Variants in STAU2 observed in about 807,000 individuals in gnomAD.
STAU2 encodes the protein double-stranded RNA-binding protein Staufen homolog 2.
A neutral mutation model predicts 65.9 loss-of-function variants in STAU2; 20 were observed. The ratio of observed to expected loss-of-function variants is 0.30; its 90% CI spans 0.21 to 0.44. STAU2 has a LOEUF of 0.44. Among genes scored for constraint, STAU2 ranks in the 20% least tolerant of loss-of-function variants. The probability of loss-of-function intolerance (pLI) is 1.00; values close to 1 mark genes in which losing one functional copy is unlikely to be tolerated. For missense variants in STAU2, 558 were observed against 683.9 expected, an observed-to-expected ratio of 0.82 and a Z score of 2.05; for synonymous variants, 232 against 233.9, an observed-to-expected ratio of 0.99 and a Z score of 0.07.
intron 11 of STAU2, among the ~76,000 whole-genome samples, chr8:73,588,374 T>C (rs375272129): frequency 6.6e-6 from 1 of 152,208 alleles, no homozygotes. Flanking sequence ...AGCATGATAG[T>C]TTAGAAAAAC....
chr8:73,433,759 G>A (rs1416283622), intron 13 of STAU2, among the ~76,000 whole-genome samples: 3 of 151,818 alleles, frequency 2.0e-5, no homozygotes, highest in Non-Finnish European at 4.4e-5. Context: ...TGCCCCAGCC[G>A]CCCAAAGTGT....
Position 73,615,802 on chromosome 8 carries a change from A to G in STAU2, c.571-20T>C, listed in dbSNP as rs753017631. 3 of 1,536,856 alleles carry G rather than the reference A, an allele frequency of 2.0e-6. No individual in the cohort carries two copies. Among genetic ancestry groups the G allele is most frequent in the African/African-American group, 1.4e-5 (1 of 73,564 alleles). On this transcript the variant is annotated intron_variant, in intron 7 of 14. Coordinates refer to ENST00000524300, the MANE Select transcript of STAU2 (RefSeq NM_001164380.2). ...ACCATTCTAAATCACAAAAAATAGG[A>G]TAACACTGAATCTTGACATTATAAC...
At chr8:73,508,024 GT>G in intron 13 of STAU2, among the ~76,000 whole-genome samples, 1 of 152,294 alleles carries the variant, frequency 6.6e-6, no homozygotes, top group East Asian at 1.9e-4. Flanking sequence ...GCTGTGGCTG[GT>G]TTGATCTTCT....
chr8:73,507,719 G>T (rs771847088), intron 13 of STAU2, among the ~76,000 whole-genome samples: 6 of 152,158 alleles, frequency 3.9e-5, no homozygotes, highest in Non-Finnish European at 7.4e-5. Context: ...ATCCCAGATG[G>T]TATCTTCTTC....
intron 13 of STAU2, among the ~76,000 whole-genome samples, chr8:73,480,869 A>C (rs1296366768): frequency 6.6e-6 from 1 of 152,174 alleles, no homozygotes; most frequent in East Asian, 1.9e-4. Flanking sequence ...ACACTCAGAG[A>C]AGGAAGAAAT....
At chr8:73,690,328 C>CAAAAAAA (rs56744849) in intron 4 of STAU2, among the ~76,000 whole-genome samples, 8 of 58,256 alleles carry the variant, frequency 1.4e-4, no homozygotes, top group Non-Finnish European at 1.7e-4. Context: ...GACTCTGTCT[C>CAAAAAAA]AAAAAAAAAA....
At position 73,591,882 on chromosome 8, in the gene STAU2, T is replaced by TAAAA. The variant is rs34533172; in HGVS notation, c.1161+3280_1161+3283dup. On this transcript the variant is annotated intron_variant, in intron 11 of 14. Coordinates refer to ENST00000524300, the MANE Select transcript of STAU2 (RefSeq NM_001164380.2). ...ACCCATACAGCGTGTATCCCAGAGG[T>TAAAA]AAAAAAAAAAAAAAAAAAAAAAAAA... Among the ~76,000 whole-genome samples, 211 of 28,464 alleles carry TAAAA rather than the reference T, an allele frequency of 7.4e-3. 15 individuals are homozygous for TAAAA. Among genetic ancestry groups the TAAAA allele is most frequent in the East Asian group, 0.048 (18 of 376 alleles). The allele number at this position is 28,464 out of a possible 152,430, so 18.7% of individuals were successfully genotyped here.
intron 13 of STAU2, among the ~76,000 whole-genome samples, chr8:73,479,776 A>G (rs2128909712): frequency 6.6e-6 from 1 of 151,282 alleles, no homozygotes; most frequent in East Asian, 2.0e-4. Flanking sequence ...GCATTTTGAA[A>G]TAAAACATCC....
intron 11 of STAU2, among the ~76,000 whole-genome samples, chr8:73,585,461 C>T (rs911287740): frequency 6.6e-6 from 1 of 152,186 alleles, no homozygotes; most frequent in Non-Finnish European, 1.5e-5. Context: ...GCCTGGACAA[C>T]GAGAGTGAAA....
In STAU2 at chr8:73,556,573, T is replaced by G. The variant is rs1033019888; in HGVS notation, c.1223-4254A>C. Among the ~76,000 whole-genome samples the G allele has an allele frequency of 2.0e-5, 3 of 152,068 alleles. No homozygotes were observed. The East Asian group carries it at 5.8e-4, about 29-fold the overall frequency. ...GAGTTCGAGACCAGCCTGGCCAACATGTTGAAACCCCGTCTCTACTAAAAA... is the reference window on the plus strand; with the variant it reads ...GAGTTCGAGACCAGCCTGGCCAACAGGTTGAAACCCCGTCTCTACTAAAAA... On this transcript the variant is annotated intron_variant, in intron 12 of 14. Transcript: ENST00000524300.
chr8:73,738,545 G>A (rs1303254957), intron 2 of STAU2, among the ~76,000 whole-genome samples, 196 bp from the exon 3 acceptor site: 1 of 152,178 alleles, frequency 6.6e-6, no homozygotes, highest in African/African-American at 2.4e-5. Context: ...TGTGGCTACT[G>A]AGCACTTGAA....
intron 13 of STAU2, among the ~76,000 whole-genome samples, chr8:73,434,484 A>G (rs1817551817): frequency 6.6e-6 from 1 of 151,868 alleles, no homozygotes; most frequent in African/African-American, 2.4e-5. Context: ...CAAGGAAGGG[A>G]GAGGGCTTGG....
intron 9 of STAU2, among the ~76,000 whole-genome samples, 165 bp from the exon 10 acceptor site, chr8:73,604,028 A>AC (rs1270626722): frequency 6.6e-6 from 1 of 152,124 alleles, no homozygotes; most frequent in Non-Finnish European, 1.5e-5. Context: ...CATAAAATAG[A>AC]CCTGTAACCA....
At chr8:73,728,047 T>A (rs1352871561) in intron 3 of STAU2, 1 of 151,970 alleles carries the variant, frequency 6.6e-6, no homozygotes, top group African/African-American at 2.4e-5. Flanking sequence ...TTAGTTGAGC[T>A]TTTTTTTGCT....
chr8:73,579,424 T>C lies in STAU2; in HGVS notation c.1222+3346A>G, dbSNP rs571590878. ...AAGCTACAGTTCACCTTCAAGAAAC[T>C]ATGAACCTGCTTTTAAGTAAAAGCC... On this transcript the variant is annotated intron_variant, in intron 12 of 14. Coordinates refer to ENST00000524300, the MANE Select transcript of STAU2 (RefSeq NM_001164380.2). 1.7e-4 allele frequency among the ~76,000 whole-genome samples: 26 copies of C among 152,322 alleles called. No homozygotes were observed. In the South Asian group the frequency reaches 3.7e-3, roughly 22 times the overall value.
At chr8:73,512,444 CA>C (rs1358595429) in intron 13 of STAU2, among the ~76,000 whole-genome samples, 3 of 152,048 alleles carry the variant, frequency 2.0e-5, no homozygotes, top group Non-Finnish European at 4.4e-5. Context: ...TATAGTTTTC[CA>C]TGTGCAAATC....
chr8:73,626,308 T>C (rs1393117670), intron 6 of STAU2, among the ~76,000 whole-genome samples: 4 of 152,182 alleles, frequency 2.6e-5, no homozygotes, highest in Non-Finnish European at 5.9e-5. Flanking sequence ...AATAACATGT[T>C]GGTTGGTCCA....
chr8:73,527,741 G>T (rs1432157513), intron 13 of STAU2: 3 of 1,536,742 alleles, frequency 2.0e-6, no homozygotes, highest in Non-Finnish European at 2.6e-6. Flanking sequence ...AAAGTCATCT[G>T]CACAGGGGCT....
At chr8:73,693,473 TC>T (rs1179436593) in intron 4 of STAU2, among the ~76,000 whole-genome samples, 1 of 108,968 alleles carries the variant, frequency 9.2e-6, no homozygotes, top group East Asian at 2.6e-4. Context: ...AGACTCCGTC[TC>T]AAAAAAAAAA....
Sources: allele counts gnomAD v4.1 joint callset (sites outside exome capture counted in the v4.1 genomes callset), GRCh38; gene constraint gnomAD v4.1.1; transcripts MANE v1.5; gene names NCBI Gene and HGNC (gene_info 2026-07-23, HGNC 2026-07-21).